Variants in DDX60L observed in about 807,000 individuals in gnomAD.
DDX60L encodes DExD/H-box 60 like, also known as probable ATP-dependent RNA helicase DDX60-like.
A neutral mutation model predicts 211.6 loss-of-function variants in DDX60L; 191 were observed. That is an observed-to-expected ratio of 0.90 (90% CI 0.80 to 1.02). The LOEUF is 1.02. Among genes scored for constraint, DDX60L ranks in the 50% least tolerant of loss-of-function variants. DDX60L has a pLI of 0.00. For missense variants in DDX60L, 2,007 were observed against 1,984.1 expected, an observed-to-expected ratio of 1.01 and a Z score of -0.22; for synonymous variants, 706 against 694.1, an observed-to-expected ratio of 1.02 and a Z score of -0.27.
chr4:168,414,368 C>T (rs1286793240), intron 22 of DDX60L, among the ~76,000 whole-genome samples: 1 of 151,950 alleles, frequency 6.6e-6, no homozygotes, highest in Non-Finnish European at 1.5e-5. Flanking sequence ...AGTAGAAAGA[C>T]AAAACAATGA....
At chr4:168,371,796 T>G (rs750676437) in intron 35 of DDX60L, 33 bp from the exon 36 acceptor site, 6 of 1,560,364 alleles carry the variant, frequency 3.8e-6, no homozygotes, top group Non-Finnish European at 5.3e-6. Flanking sequence ...ACTTCATTAC[T>G]GATATGTAAA....
intron 30 of DDX60L, chr4:168,380,442 C>A (rs62334098): frequency 0.011 from 1,655 of 152,588 alleles, 12 homozygotes; most frequent in Middle Eastern, 0.02. Flanking sequence ...CTCTACCTCT[C>A]TTCCTCCTGC....
rs1218644497 is a variant in DDX60L at position 168,363,365 on chromosome 4, A to T, written c.4929-2154T>A. ...CATTACTATCACAAAAATATTTGAA[A>T]GATTAAAACTCATCGATAGAAGTAA... On this transcript the variant is annotated intron_variant, in intron 36 of 37. Coordinates refer to ENST00000682922, the MANE Select transcript of DDX60L (RefSeq NM_001012967.3). Among the ~76,000 whole-genome samples, 3 of 152,352 alleles carry T rather than the reference A, an allele frequency of 2.0e-5. No individual in the cohort carries two copies. In the East Asian group the frequency reaches 5.8e-4, roughly 29 times the overall value.
Position 168,384,392 on chromosome 4 carries a change from T to C in DDX60L, c.4116+220A>G, listed in dbSNP as rs1579287306. ...GTCCCAGCTACTTGGGATGCTGAGATGGGAAGATCACTTGAGCCCAGGTGA... is the reference window on the plus strand; with the variant it reads ...GTCCCAGCTACTTGGGATGCTGAGACGGGAAGATCACTTGAGCCCAGGTGA... On this transcript the variant is annotated intron_variant, in intron 30 of 37. Coordinates refer to ENST00000682922, the MANE Select transcript of DDX60L (RefSeq NM_001012967.3). Among the ~76,000 whole-genome samples, 6 of 152,122 alleles carry C rather than the reference T, an allele frequency of 3.9e-5. No homozygotes were observed. In the South Asian group the frequency reaches 1.2e-3, roughly 32 times the overall value.
chr4:168,385,203 G>C (rs762356511), intron 29 of DDX60L, among the ~76,000 whole-genome samples: 5 of 152,144 alleles, frequency 3.3e-5, no homozygotes, highest in Non-Finnish European at 7.3e-5. Flanking sequence ...CTGGGGAAGG[G>C]AGAAGGGCTC....
intron 13 of DDX60L, among the ~76,000 whole-genome samples, 178 bp downstream of exon 13, chr4:168,430,297 CCTT>C (rs1216689326): frequency 1.3e-5 from 2 of 152,180 alleles, no homozygotes; most frequent in South Asian, 4.1e-4. Flanking sequence ...GCCAATTAAA[CCTT>C]TTTTCTTTAT....
chr4:168,376,389 G>A (rs560642850), intron 33 of DDX60L, among the ~76,000 whole-genome samples: 1 of 152,230 alleles, frequency 6.6e-6, no homozygotes, highest in Middle Eastern at 3.4e-3. Context: ...AGATTCCTAG[G>A]AGCAAGTGTG....
In DDX60L at chr4:168,423,765, G is replaced by A. The variant is rs748422357; in HGVS notation, c.1940C>T (p.Ser647Leu). ...KKHCRGEGKI[S>L]KDLSIAVQMM... ...TTGAACAGCTATACTTAAATCTTTC[G>A]AAATTTTGCCTTGTTAAAGAAACAA... Residue 647 changes from serine (S) to leucine (L), a missense_variant, in exon 15 of 38, where the codon TCG (serine) becomes TTG (leucine). Coordinates refer to ENST00000682922, the MANE Select transcript of DDX60L (RefSeq NM_001012967.3). 4.8e-5 allele frequency: 76 copies of A among 1,567,290 alleles called. No homozygotes were observed. The highest frequency in any genetic ancestry group is 8.6e-5 in the Admixed American group (4 of 46,626).
chr4:168,361,544 A>T (rs2634931), intron 36 of DDX60L: 1 of 168,010 alleles, frequency 6.0e-6, no homozygotes, highest in Non-Finnish European at 1.3e-5. Context: ...CTACTTTCTT[A>T]GTTCTATTTC....
chr4:168,371,671 A>C lies in DDX60L; in HGVS notation c.4869T>G (p.Asn1623Lys), dbSNP rs757404905. ...GTTTATAGAAATTGAGCACATATGC[A>C]TTTAGTGGCATTCTCCTTCCTCGGT... ...LDNRGRRMPL[N>K]AYVLNFYKHN... Residue 1623 changes from asparagine (N) to lysine (K), a missense_variant, in exon 36 of 38, where the codon AAT becomes AAG. Physicochemically the swap from Asn to Lys is moderately conservative, Grantham distance 94. Transcript: ENST00000682922. 6.9e-6 allele frequency: 11 copies of C among 1,602,544 alleles called. No homozygotes were observed. The African/African-American group carries it at 1.3e-4, about 20-fold the overall frequency.
At chr4:168,454,376 C>T (rs551300715) in intron 7 of DDX60L, among the ~76,000 whole-genome samples, 2 of 152,112 alleles carry the variant, frequency 1.3e-5, no homozygotes, top group South Asian at 2.1e-4. Flanking sequence ...CTCTGAAAAC[C>T]GTCTAACTCC....
intron 7 of DDX60L, among the ~76,000 whole-genome samples, chr4:168,455,272 T>TTGTGTGTGTGTGTGTGTG (rs34353821): frequency 0.015 from 2,096 of 144,136 alleles, 59 homozygotes; most frequent in African/African-American, 0.047. Flanking sequence ...CATACAAACT[T>TTGTGTGTGTGTGTGTGTG]TGTGTGTGTG....
intron 12 of DDX60L, 63 bp from the exon 13 acceptor site, chr4:168,430,701 C>A: frequency 1.7e-6 from 2 of 1,211,440 alleles, no homozygotes; most frequent in Non-Finnish European, 2.2e-6. Flanking sequence ...ATGTGTGCTA[C>A]CCACACATTA....
At chr4:168,407,592 T>C (rs1385332832) in intron 22 of DDX60L, among the ~76,000 whole-genome samples, 1 of 152,232 alleles carries the variant, frequency 6.6e-6, no homozygotes, top group East Asian at 1.9e-4. Context: ...GTTATGTTCA[T>C]GTGTACTGTG....
intron 8 of DDX60L, 24 bp from the exon 9 acceptor site, chr4:168,448,803 A>G: frequency 1.9e-6 from 3 of 1,591,350 alleles, no homozygotes; most frequent in Non-Finnish European, 2.6e-6. Context: ...ATAAAACATT[A>G]TTAGCAGGGA....
intron 36 of DDX60L, among the ~76,000 whole-genome samples, chr4:168,367,474 A>C (rs1740192555): frequency 6.6e-6 from 1 of 152,136 alleles, no homozygotes; most frequent in Non-Finnish European, 1.5e-5. Flanking sequence ...GTCCAATAAA[A>C]CTTTTTCTTT....
chr4:168,426,328 A>T (rs1036578613), intron 14 of DDX60L, among the ~76,000 whole-genome samples: 5 of 152,198 alleles, frequency 3.3e-5, no homozygotes, highest in South Asian at 2.1e-4. Context: ...TGGCCCAGTT[A>T]ACAATATAAC....
Position 168,457,975 on chromosome 4 carries a change from G to A in DDX60L, c.640C>T (p.Leu214Phe). 1.3e-6 allele frequency: 2 copies of A among 1,565,366 alleles called. No individual in the cohort carries two copies. The highest frequency in any genetic ancestry group is 8.7e-7 in the Non-Finnish European group (1 of 1,152,522). Residue 214 changes from leucine (L) to phenylalanine (F), a missense_variant, in exon 6 of 38, where the codon CTC becomes TTC. Leu to Phe is a conservative substitution (Grantham distance 22). Coordinates refer to ENST00000682922, the MANE Select transcript of DDX60L (RefSeq NM_001012967.3). ...ETVIQSAYKS[L>F]IQHLEEIRVL... ...CTTATTTCTTCCAAGTGTTGTATGA[G>A]GCTTTTATATGCACTCTGAATCACT...
intron 19 of DDX60L, among the ~76,000 whole-genome samples, chr4:168,417,992 T>C (rs1467253030): frequency 6.6e-6 from 1 of 152,210 alleles, no homozygotes; most frequent in African/African-American, 2.4e-5. Context: ...CTGAACTTTC[T>C]AGAATAAACA....
Sources: allele counts gnomAD v4.1 joint callset (sites outside exome capture counted in the v4.1 genomes callset), GRCh38; gene constraint gnomAD v4.1.1; transcripts MANE v1.5; gene names NCBI Gene and HGNC (gene_info 2026-07-23, HGNC 2026-07-21).